Variants in SIKE1 observed in about 807,000 individuals in gnomAD.
SIKE1 encodes the protein suppressor of IKK epsilon.
Under a neutral mutation model 25.8 loss-of-function variants are expected in SIKE1, and 13 were observed. That is an observed-to-expected ratio of 0.50 (90% CI 0.33 to 0.80). The LOEUF is 0.80. Ranked by LOEUF, SIKE1 falls within the 30% of genes least tolerant of loss-of-function variation. The pLI is 0.02. For missense variants in SIKE1, 222 were observed against 252.4 expected, an observed-to-expected ratio of 0.88 and a Z score of 0.82; for synonymous variants, 86 against 95.5, an observed-to-expected ratio of 0.90 and a Z score of 0.58.
chr1:114,777,240 T>A (rs1662269979), intron 3 of SIKE1, among the ~76,000 whole-genome samples: 1 of 152,134 alleles, frequency 6.6e-6, no homozygotes, highest in African/African-American at 2.4e-5. Context: ...ACCCTAGAAC[T>A]TATTTAAAAA....
chr1:114,778,495 T>C (rs548080006), intron 3 of SIKE1, among the ~76,000 whole-genome samples: 2 of 152,264 alleles, frequency 1.3e-5, no homozygotes, highest in African/African-American at 4.8e-5. Flanking sequence ...ACCAACCAAG[T>C]GTTTACCAGG....
chr1:114,774,082 T>C lies in SIKE1; in HGVS notation c.*189A>G, dbSNP rs573417169. 1.0e-5 allele frequency: 4 copies of C among 401,732 alleles called. No individual in the cohort carries two copies. The highest frequency in any genetic ancestry group is 6.1e-5 in the African/African-American group (3 of 49,240). The allele number at this position is 401,732 out of a possible 1,614,324, so 24.9% of individuals were successfully genotyped here. On this transcript the variant is annotated 3_prime_UTR_variant, in exon 5 of 5. Transcript: ENST00000060969. ...GAAAGGAATGGTGAAATTCAGCATGTAGTATTCACATTAACACATCTGAGA... is the reference window on the plus strand; with the variant it reads ...GAAAGGAATGGTGAAATTCAGCATGCAGTATTCACATTAACACATCTGAGA...
chr1:114,778,163 T>C (rs1376701853), intron 3 of SIKE1, among the ~76,000 whole-genome samples: 1 of 152,204 alleles, frequency 6.6e-6, no homozygotes, highest in Non-Finnish European at 1.5e-5. Flanking sequence ...TCACTACATC[T>C]CACAGAAGTA....
At chr1:114,777,690 G>A (rs1029855449) in intron 3 of SIKE1, among the ~76,000 whole-genome samples, 2 of 152,142 alleles carry the variant, frequency 1.3e-5, no homozygotes, top group African/African-American at 4.8e-5. Context: ...TGCCAACTCT[G>A]GTAAGGCCTT....
At chr1:114,778,511 T>G (rs1266229869) in intron 3 of SIKE1, among the ~76,000 whole-genome samples, 1 of 152,182 alleles carries the variant, frequency 6.6e-6, no homozygotes, top group Non-Finnish European at 1.5e-5. Context: ...CCAGGCAGCT[T>G]CAACACTAAC....
rs150908090 is a variant in SIKE1 at position 114,774,320 on chromosome 1, T to G, written c.575A>C (p.Gln192Pro). The change falls in exon 5 of 5, where the codon CAA (glutamine) becomes CCA (proline). Residue 192 changes from glutamine to proline, a missense_variant. Coordinates refer to ENST00000060969, the MANE Select transcript of SIKE1 (RefSeq NM_025073.3). ...GTCCATTGAGTTTTCCTTTCTGGCT[T>G]GAAGAGACTCACTGCTGATGGACAA... ...ELLSISSESL[Q>P]ARKENSMDTA... 9 of 1,612,670 alleles carry G rather than the reference T, an allele frequency of 5.6e-6. No homozygotes were observed. In the African/African-American group the frequency reaches 1.1e-4, roughly 19 times the overall value.
At position 114,776,453 on chromosome 1, in the gene SIKE1, C is replaced by A; in HGVS notation, c.415G>T (p.Glu139Ter). ...TCACAGATTCTGTCAATCTGACTCTCAATTTCCTGTGAAGATATTAAGGAA... is the reference window on the plus strand; with the variant it reads ...TCACAGATTCTGTCAATCTGACTCTAAATTTCCTGTGAAGATATTAAGGAA... The part of the protein sequence containing the change: ...KAHQSHSAEI[E>*]SQIDRICEMG... Residue 139 changes from glutamate to a stop codon, truncating the protein, a stop_gained, in exon 4 of 5, where the codon GAG (glutamate) becomes TAG (stop). Transcript: ENST00000060969. LOFTEE classifies it high-confidence loss of function. 1 of 1,605,082 alleles carries A rather than the reference C, an allele frequency of 6.2e-7. No homozygotes were observed. Among genetic ancestry groups the A allele is most frequent in the South Asian group, 1.1e-5 (1 of 90,922 alleles).
In SIKE1 at chr1:114,779,190, T is replaced by A. The variant is rs1386667483; in HGVS notation, c.360A>T (p.Lys120Asn). The change falls in exon 3 of 5, where the codon AAA becomes AAT. Residue 120 changes from lysine to asparagine, a missense_variant. Physicochemically the swap from Lys to Asn is moderately conservative, Grantham distance 94. Coordinates refer to ENST00000060969, the MANE Select transcript of SIKE1 (RefSeq NM_025073.3). Reference sequence around the variant, plus strand: ...TCAGGACTGGTTCAGCATCCACCGCTTTTTTAGCAACCATTAACTGTAACA... The same window carrying A: ...TCAGGACTGGTTCAGCATCCACCGCATTTTTAGCAACCATTAACTGTAACA... Reference protein sequence around the residue: ...KQMLQLMVAKKAVDAEPVLKA... With the variant: ...KQMLQLMVAKNAVDAEPVLKA... 6.2e-7 allele frequency: 1 copy of A among 1,614,164 alleles called. No individual in the cohort carries two copies. The highest frequency in any genetic ancestry group is 8.5e-7 in the Non-Finnish European group (1 of 1,179,998).
At position 114,780,478 on chromosome 1, in the gene SIKE1, G is replaced by A; in HGVS notation, c.130C>T (p.Arg44Trp). The A allele has an allele frequency of 6.2e-7, 1 of 1,613,142 alleles. No homozygotes were observed. ...AALHRRVAAM[R>W]EAGTALPDQY... is the part of the protein sequence containing the mutation. ...TCCGGAAGCGCTGTCCCCGCCTCCC[G>A]CATAGCTGCTACCCGCCGGTGCAGC... Residue 44 changes from arginine to tryptophan, a missense_variant, in exon 1 of 5, where the codon CGG (arginine) becomes TGG (tryptophan). Transcript: ENST00000060969.
At chr1:114,779,345 C>T (rs1047877581) in intron 2 of SIKE1, 61 bp from the exon 3 acceptor site, 26 of 1,556,982 alleles carry the variant, frequency 1.7e-5, no homozygotes, top group Non-Finnish European at 2.3e-5. Context: ...AATCCAAAGT[C>T]TTAACAGTTG....
At position 114,774,354 on chromosome 1, in the gene SIKE1, G is replaced by C. The variant is rs775799766; in HGVS notation, c.541C>G (p.Arg181Gly). The C allele has an allele frequency of 5.0e-6, 8 of 1,604,558 alleles. No homozygotes were observed. The East Asian group carries it at 1.6e-4, about 31-fold the overall frequency. ...TCACTGCTGATGGACAATAATTCTC[G>C]AAGTTCCTTATTTTCAAGCTGGAAA... ...AQLELENKEL[R>G]ELLSISSESL... Residue 181 changes from arginine to glycine, a missense_variant, in exon 5 of 5, where the codon CGA becomes GGA. Transcript: ENST00000060969.
intron 3 of SIKE1, 61 bp downstream of exon 3, chr1:114,779,081 A>C: frequency 1.3e-6 from 2 of 1,593,334 alleles, no homozygotes; most frequent in South Asian, 2.2e-5. Flanking sequence ...ACAAGCACAC[A>C]ATCTAAAACA....
rs773963449 is a variant in SIKE1, at chr1:114,780,636, G to A, written c.-29C>T. The A allele has an allele frequency of 2.8e-5, 44 of 1,570,104 alleles. No individual in the cohort carries two copies. The highest frequency in any genetic ancestry group is 8.1e-5 in the African/African-American group (6 of 73,788). ...AGCAGCACCACCCCAGCCCCTGCCG[G>A]GCTCAGCTACGCGACTCGCTCAGAT... On this transcript the variant is annotated 5_prime_UTR_variant, in exon 1 of 5. Transcript: ENST00000060969.
At chr1:114,777,217 G>A (rs1053255576) in intron 3 of SIKE1, among the ~76,000 whole-genome samples, 8 of 151,808 alleles carry the variant, frequency 5.3e-5, no homozygotes, top group African/African-American at 1.2e-4. Context: ...AAACCTGCAC[G>A]TTTTGCACAT....
At position 114,770,407 on chromosome 1, in the gene SIKE1, T is replaced by C. The variant is rs994855188; in HGVS notation, c.*3864A>G. ...GCAAGACTGTCTCAAAAAATAAAAA[T>C]AAAAAAATAGAATTAGAGGTTATCG... is the stretch of plus-strand genomic sequence containing the variant. On this transcript the variant is annotated 3_prime_UTR_variant, in exon 5 of 5. Transcript: ENST00000060969. 1 of 151,874 alleles carries C rather than the reference T, an allele frequency of 6.6e-6. No homozygotes were observed. Among genetic ancestry groups the C allele is most frequent in the Admixed American group, 6.6e-5 (1 of 15,248 alleles). The allele number at this position is 151,874 out of a possible 1,614,324, so 9.4% of individuals were successfully genotyped here.
At chr1:114,778,833 C>T (rs1026197479) in intron 3 of SIKE1, 1 of 343,574 alleles carries the variant, frequency 2.9e-6, no homozygotes, top group Admixed American at 4.5e-5. Flanking sequence ...TCAGACCAGC[C>T]TGGGCAACAT....
chr1:114,776,411 T>A lies in SIKE1; in HGVS notation c.457A>T (p.Arg153Trp), dbSNP rs1311321192. ...TCATCATCCACCTGAACTGCTTTCC[T>A]CATCACTTCTCCCATTTCACAGATT... ...DRICEMGEVM[R>W]KAVQVDDDQF... is the part of the protein sequence containing the mutation. Residue 153 changes from arginine to tryptophan, a missense_variant, in exon 4 of 5, where the codon AGG (arginine) becomes TGG (tryptophan). Physicochemically the swap from Arg to Trp is moderately radical, Grantham distance 101. Transcript: ENST00000060969. 6.2e-7 allele frequency: 1 copy of A among 1,613,638 alleles called. No homozygotes were observed. Among genetic ancestry groups the A allele is most frequent in the Non-Finnish European group, 8.5e-7 (1 of 1,179,788 alleles).
At chr1:114,776,529 T>C (rs760003011) in intron 3 of SIKE1, 70 bp from the exon 4 acceptor site, 1 of 975,658 alleles carries the variant, frequency 1.0e-6, no homozygotes. Flanking sequence ...CGTAAAAGCA[T>C]GTGCATTACG....
At position 114,780,681 on chromosome 1, in the gene SIKE1, G is replaced by C; in HGVS notation, c.-74C>G. 2.3e-6 allele frequency: 3 copies of C among 1,327,894 alleles called. No individual in the cohort carries two copies. 82.3% of individuals were successfully genotyped at this position (1,327,894 alleles called of 1,614,324 possible). A position where few individuals can be genotyped will look rare whatever the true frequency, so the allele number is the denominator to read the frequency against. On this transcript the variant is annotated 5_prime_UTR_variant, in exon 1 of 5. Coordinates refer to ENST00000060969, the MANE Select transcript of SIKE1 (RefSeq NM_025073.3). ...TCAGATCTTCTGGGAGTCTGTCTCA[G>C]CATTACAGGCGTCATTTCCGGGCAC...
Sources: allele counts gnomAD v4.1 joint callset (sites outside exome capture counted in the v4.1 genomes callset), GRCh38; gene constraint gnomAD v4.1.1; transcripts MANE v1.5; gene names NCBI Gene and HGNC (gene_info 2026-07-23, HGNC 2026-07-21).